The following RBFOX1 variants were observed in gnomAD, a reference collection of about 807,000 sequenced individuals.
The protein encoded by RBFOX1 is RNA binding protein fox-1 homolog 1.
Under a neutral mutation model 57.7 loss-of-function variants are expected in RBFOX1, and 8 were observed. The observed-to-expected ratio is 0.14, with a 90% CI of 0.08 to 0.25. The LOEUF (loss-of-function observed/expected upper bound fraction) is 0.25, where lower values mean the gene tolerates loss of function less well. Ranked by LOEUF, RBFOX1 falls within the 10% of genes least tolerant of loss-of-function variation. The pLI, the probability that RBFOX1 is intolerant of heterozygous loss-of-function variation, is 1.00. For missense variants in RBFOX1, 611 were observed against 548.5 expected (o/e 1.11, Z -1.14); for synonymous variants, 326 against 222.4 (o/e 1.47, Z -4.15).
intron 1 of RBFOX1, among the ~76,000 whole-genome samples, chr16:6,283,133 T>C (rs1214376116): frequency 6.6e-6 from 1 of 152,002 alleles, no homozygotes; most frequent in Non-Finnish European, 1.5e-5. Flanking sequence ...GGGAGACTAG[T>C]CTGGGTAACA....
chr16:7,306,141 C>G (rs1603616908), intron 4 of RBFOX1, among the ~76,000 whole-genome samples: 1 of 151,930 alleles, frequency 6.6e-6, no homozygotes, highest in African/African-American at 2.4e-5. Flanking sequence ...ACTCAATGTT[C>G]TCCGTTCCTT....
At chr16:7,279,743 A>ATT (rs1427874855) in intron 4 of RBFOX1, among the ~76,000 whole-genome samples, 1 of 152,216 alleles carries the variant, frequency 6.6e-6, no homozygotes, top group African/African-American at 2.4e-5. Flanking sequence ...GCCTGACCTG[A>ATT]ATGAGTGCTT....
chr16:6,664,620 C>G (rs376395270), intron 3 of RBFOX1, among the ~76,000 whole-genome samples: 1 of 152,150 alleles, frequency 6.6e-6, no homozygotes, highest in African/African-American at 2.4e-5. Flanking sequence ...GATTCGACAT[C>G]ATTTTTACTG....
intron 4 of RBFOX1, among the ~76,000 whole-genome samples, chr16:7,180,840 T>A (rs1462788057): frequency 6.6e-6 from 1 of 152,216 alleles, no homozygotes; most frequent in African/African-American, 2.4e-5. Flanking sequence ...ATTTAGGATT[T>A]TATGCTTAAA....
chr16:6,504,301 A>C (rs140033729), intron 2 of RBFOX1, among the ~76,000 whole-genome samples: 85 of 152,314 alleles, frequency 5.6e-4, no homozygotes, highest in African/African-American at 2.0e-3. Flanking sequence ...GATTAAAGGC[A>C]CCAGTGCATC....
chr16:6,089,283 G>T (rs1323165354), intron 1 of RBFOX1, among the ~76,000 whole-genome samples: 1 of 152,228 alleles, frequency 6.6e-6, no homozygotes. Context: ...TGATTCAGCT[G>T]AGTCTTACAC....
At chr16:6,849,997 A>G (rs559113414) in intron 3 of RBFOX1, among the ~76,000 whole-genome samples, 114 of 152,330 alleles carry the variant, frequency 7.5e-4, no homozygotes, top group Non-Finnish European at 1.3e-3. Context: ...TGGTAGATGA[A>G]CAAAAGTGAC....
chr16:6,712,907 T>C (rs1272363051), intron 3 of RBFOX1, among the ~76,000 whole-genome samples: 163 of 88,894 alleles, frequency 1.8e-3, no homozygotes, highest in African/African-American at 5.8e-3. Context: ...TTTTTTTTTT[T>C]TCCTGTGCTG....
chr16:5,744,268 G>C (rs1220283948), intron 3 of RBFOX1, among the ~76,000 whole-genome samples: 2 of 152,058 alleles, frequency 1.3e-5, no homozygotes, highest in Non-Finnish European at 2.9e-5. Flanking sequence ...TGAATGAATT[G>C]CTCTGTCTTC....
At chr16:5,523,288 A>T (rs893402402) in intron 2 of RBFOX1, among the ~76,000 whole-genome samples, 1 of 152,018 alleles carries the variant, frequency 6.6e-6, no homozygotes, top group Non-Finnish European at 1.5e-5. Flanking sequence ...TCTGTTTCAA[A>T]AAAAACAGGA....
At chr16:7,175,573 A>T (rs545194559) in intron 4 of RBFOX1, among the ~76,000 whole-genome samples, 2 of 152,206 alleles carry the variant, frequency 1.3e-5, no homozygotes. Flanking sequence ...TCATAGGCAA[A>T]GGATCCCATT....
At chr16:5,443,726 C>G (rs189515274) in intron 1 of RBFOX1, among the ~76,000 whole-genome samples, 5 of 152,158 alleles carry the variant, frequency 3.3e-5, no homozygotes, top group Non-Finnish European at 7.3e-5. Context: ...GTCAGGGACC[C>G]CTTTAAGCTT....
intron 4 of RBFOX1, among the ~76,000 whole-genome samples, chr16:7,498,262 G>C (rs2069365363): frequency 6.6e-6 from 1 of 152,082 alleles, no homozygotes; most frequent in Admixed American, 6.6e-5. Flanking sequence ...TGGTCACTTG[G>C]TATTGTAAAG....
intron 3 of RBFOX1, among the ~76,000 whole-genome samples, chr16:5,680,921 G>C (rs938653624): frequency 2.0e-5 from 3 of 151,962 alleles, no homozygotes; most frequent in Non-Finnish European, 2.9e-5. Flanking sequence ...GTGCTTGGTT[G>C]GGGGGCAGGG....
rs751686609 is a variant in RBFOX1, at chr16:6,905,386, C to T, written c.-15-146671C>T. ...AGGCCAACAAGGCAAAACCCCACCTCTACTAAAAATACAAAAATTAACTGA... is the reference window on the plus strand; with the variant it reads ...AGGCCAACAAGGCAAAACCCCACCTTTACTAAAAATACAAAAATTAACTGA... On this transcript the variant is annotated intron_variant, in intron 3 of 15. Transcript: ENST00000550418. Among the ~76,000 whole-genome samples, 70 of 152,080 alleles carry T rather than the reference C, an allele frequency of 4.6e-4. No homozygotes were observed. The Middle Eastern group carries it at 0.014, about 30-fold the overall frequency.
At chr16:7,100,505 A>G (rs1404645428) in intron 4 of RBFOX1, among the ~76,000 whole-genome samples, 1 of 151,336 alleles carries the variant, frequency 6.6e-6, no homozygotes, top group Admixed American at 6.6e-5. Context: ...CATACAAATT[A>G]TCTCATAAAC....
intron 4 of RBFOX1, among the ~76,000 whole-genome samples, chr16:7,366,919 A>G (rs1450836076): frequency 6.6e-6 from 1 of 152,136 alleles, no homozygotes; most frequent in Admixed American, 6.5e-5. Context: ...AAATCATTTA[A>G]TTTTGAGCAT....
At chr16:6,379,674 T>C (rs1252760617) in intron 2 of RBFOX1, among the ~76,000 whole-genome samples, 1 of 144,080 alleles carries the variant, frequency 6.9e-6, no homozygotes, top group Non-Finnish European at 1.5e-5. Context: ...GCATTGGATT[T>C]AGCTACCAAA....
intron 2 of RBFOX1, among the ~76,000 whole-genome samples, chr16:6,451,099 T>G (rs948724919): frequency 1.3e-5 from 2 of 151,384 alleles, no homozygotes; most frequent in Admixed American, 6.6e-5. Context: ...TGTCCACTCT[T>G]CCTTTCTCAT....
Sources: gnomAD v4.1 joint callset for allele counts (sites outside exome capture counted in the v4.1 genomes callset) on GRCh38, gnomAD v4.1.1 for gene constraint, MANE v1.5 for transcripts, NCBI Gene and HGNC (gene_info 2026-07-23, HGNC 2026-07-21) for gene names.